Variants in UBR3 observed in about 807,000 individuals in gnomAD.
UBR3 encodes the protein E3 ubiquitin-protein ligase UBR3.
Under a neutral mutation model 243.2 loss-of-function variants are expected in UBR3, and 85 were observed. The observed-to-expected ratio is 0.35, with a 90% confidence interval of 0.29 to 0.42. The LOEUF is 0.42. UBR3 is among the 10% of genes least tolerant of loss of function. The pLI is 1.00. For missense variants in UBR3, 1,686 were observed against 2,300.8 expected, an observed-to-expected ratio of 0.73 and a Z score of 5.47; for synonymous variants, 748 against 799.8, an observed-to-expected ratio of 0.94 and a Z score of 1.09.
At chr2:170,018,400 A>G (rs1164408889) in intron 30 of UBR3, among the ~76,000 whole-genome samples, 1 of 152,122 alleles carries the variant, frequency 6.6e-6, no homozygotes, top group Admixed American at 6.6e-5. Flanking sequence ...TAGTTCTCAC[A>G]TATAGCATAG....
chr2:169,899,746 C>G (rs145095533), intron 8 of UBR3, among the ~76,000 whole-genome samples: 6,616 of 152,118 alleles, frequency 0.043, 165 homozygotes, highest in Middle Eastern at 0.068. Flanking sequence ...TGAAAACATG[C>G]GGTGTTTGGT....
chr2:169,844,345 T>C (rs984098120), intron 1 of UBR3, among the ~76,000 whole-genome samples: 14 of 152,166 alleles, frequency 9.2e-5, no homozygotes, highest in Non-Finnish European at 1.6e-4. Flanking sequence ...TCAGTACTTT[T>C]TTTTCTTTAT....
At chr2:170,057,795 T>TA (rs2091368164) in intron 33 of UBR3, among the ~76,000 whole-genome samples, 1 of 152,102 alleles carries the variant, frequency 6.6e-6, no homozygotes, top group African/African-American at 2.4e-5. Flanking sequence ...GCCATATAAA[T>TA]ATATATTAGT....
At chr2:170,053,275 CTT>C (rs1430501754) in intron 32 of UBR3, among the ~76,000 whole-genome samples, 7 of 152,130 alleles carry the variant, frequency 4.6e-5, no homozygotes, top group Non-Finnish European at 1.0e-4. Context: ...CTGCTTTCCT[CTT>C]GAGAGTCTGG....
chr2:169,853,208 G>A (rs532655341), intron 1 of UBR3, among the ~76,000 whole-genome samples: 15 of 152,138 alleles, frequency 9.9e-5, no homozygotes, highest in Non-Finnish European at 1.9e-4. Flanking sequence ...CCCAGGATGG[G>A]AACAGGTGAA....
chr2:169,836,229 G>A (rs1305847604), intron 1 of UBR3, among the ~76,000 whole-genome samples: 2 of 150,184 alleles, frequency 1.3e-5, no homozygotes, highest in Non-Finnish European at 3.0e-5. Context: ...GATTACAGGC[G>A]GCCGCCACCA....
At chr2:169,920,935 A>G (rs2085673187) in intron 11 of UBR3, among the ~76,000 whole-genome samples, 2 of 152,208 alleles carry the variant, frequency 1.3e-5, no homozygotes, top group Admixed American at 1.3e-4. Flanking sequence ...TTTATGCAGG[A>G]TAATGGTAGA....
chr2:170,055,105 C>G (rs1241324763), intron 32 of UBR3, among the ~76,000 whole-genome samples: 1 of 152,132 alleles, frequency 6.6e-6, no homozygotes, highest in South Asian at 2.1e-4. Context: ...TGAGACTAGC[C>G]TGGGCAACAT....
intron 7 of UBR3, among the ~76,000 whole-genome samples, chr2:169,895,682 A>G (rs550731259): frequency 6.6e-6 from 1 of 152,328 alleles, no homozygotes; most frequent in African/African-American, 2.4e-5. Context: ...GGGGCAATTG[A>G]ATTTAGATTG....
chr2:169,847,000 A>G (rs2082502491), intron 1 of UBR3, among the ~76,000 whole-genome samples: 1 of 152,060 alleles, frequency 6.6e-6, no homozygotes, highest in Non-Finnish European at 1.5e-5. Context: ...GGCCTTTCAA[A>G]GTGCTGGGAT....
intron 24 of UBR3, among the ~76,000 whole-genome samples, chr2:169,983,252 CTTTTTTTT>C (rs72194627): frequency 1.4e-5 from 1 of 72,000 alleles, no homozygotes; most frequent in Non-Finnish European, 2.6e-5. Flanking sequence ...ATTCTCTCTC[CTTTTTTTT>C]TTTTTTTTTT....
chr2:170,073,674 G>C (rs1418580725), intron 36 of UBR3, 67 bp downstream of exon 36: 2 of 1,490,932 alleles, frequency 1.3e-6, no homozygotes, highest in Non-Finnish European at 1.8e-6. Context: ...GAATAATGAG[G>C]ACTGTTAAAT....
At chr2:169,883,654 C>A (rs2083978389) in intron 5 of UBR3, among the ~76,000 whole-genome samples, 1 of 152,058 alleles carries the variant, frequency 6.6e-6, no homozygotes, top group Non-Finnish European at 1.5e-5. Flanking sequence ...CCAATAATTT[C>A]TTATAAATTT....
intron 22 of UBR3, 94 bp from the exon 23 acceptor site, chr2:169,949,511 G>T (rs2086922413): frequency 8.8e-7 from 1 of 1,130,098 alleles, no homozygotes; most frequent in South Asian, 1.7e-5. Context: ...ATGAAACTGA[G>T]CATTCCCTTT....
chr2:170,076,734 T>A (rs540678883), intron 36 of UBR3, among the ~76,000 whole-genome samples: 1 of 152,346 alleles, frequency 6.6e-6, no homozygotes, highest in South Asian at 2.1e-4. Flanking sequence ...TTGGATTTGT[T>A]TGAGCAAGGA....
intron 24 of UBR3, among the ~76,000 whole-genome samples, chr2:169,966,374 T>C (rs990428171): frequency 6.6e-6 from 1 of 152,174 alleles, no homozygotes; most frequent in African/African-American, 2.4e-5. Context: ...ACATATTACA[T>C]TTTAATTGTA....
intron 6 of UBR3, among the ~76,000 whole-genome samples, chr2:169,891,964 C>G (rs1033451038): frequency 6.6e-6 from 1 of 152,070 alleles, no homozygotes; most frequent in Non-Finnish European, 1.5e-5. Context: ...CATATCTTAA[C>G]GTGTGGTTGG....
intron 23 of UBR3, among the ~76,000 whole-genome samples, chr2:169,956,398 G>A (rs1478668314): frequency 2.0e-5 from 3 of 151,824 alleles, no homozygotes; most frequent in African/African-American, 7.2e-5. Context: ...GTGCCAGGTT[G>A]TCGAGTCCTG....
chr2:169,885,172 C>G (rs2084040854), intron 5 of UBR3, among the ~76,000 whole-genome samples: 1 of 152,132 alleles, frequency 6.6e-6, no homozygotes, highest in African/African-American at 2.4e-5. Flanking sequence ...GATTGTTAAG[C>G]AAACCCTTTT....
Sources: allele counts gnomAD v4.1 joint callset (sites outside exome capture counted in the v4.1 genomes callset), GRCh38; gene constraint gnomAD v4.1.1; transcripts MANE v1.5; gene names NCBI Gene and HGNC (gene_info 2026-07-23, HGNC 2026-07-21).